The following ENPP3 variants were observed in gnomAD, a reference collection of about 807,000 sequenced individuals.
ENPP3 encodes the protein ectonucleotide pyrophosphatase/phosphodiesterase family member 3.
A neutral mutation model predicts 117.8 loss-of-function variants in ENPP3; 104 were observed. That is an observed-to-expected ratio of 0.88 (90% CI 0.75 to 1.04). The LOEUF (loss-of-function observed/expected upper bound fraction) is 1.04. ENPP3 is among the 50% of genes least tolerant of loss of function. ENPP3 has a pLI of 0.00. For missense variants in ENPP3, 1,026 were observed against 1,051.9 expected, an observed-to-expected ratio of 0.98 and a Z score of 0.34; for synonymous variants, 380 against 349.9, an observed-to-expected ratio of 1.09 and a Z score of -0.96.
chr6:131,711,912 C>T (rs1779799082), intron 15 of ENPP3, among the ~76,000 whole-genome samples: 2 of 127,738 alleles, frequency 1.6e-5, no homozygotes, highest in South Asian at 4.8e-4. Flanking sequence ...TAGCAACCTT[C>T]TGTCATATTA....
At chr6:131,641,799 GTTTTTTTT>G (rs540011427) in intron 2 of ENPP3, among the ~76,000 whole-genome samples, 1,700 of 64,084 alleles carry the variant, frequency 0.027, 26 homozygotes, top group African/African-American at 0.12. Flanking sequence ...CTCCACCCTG[GTTTTTTTT>G]TTTTTTTTTT....
Position 131,683,083 on chromosome 6 carries a change from T to G in ENPP3, c.1041T>G (p.His347Gln), listed in dbSNP as rs764386737. ...RVIKALQVVD[H>Q]AFGMLMEGLK... The stretch of plus-strand genomic sequence containing the variant: ...TTAAAGCCTTACAGGTAGTAGATCA[T>G]GCTTTTGGGATGTTGATGGAAGGCC... Residue 347 changes from histidine to glutamine, a missense_variant, in exon 12 of 25, where the codon CAT (histidine) becomes CAG (glutamine). Coordinates refer to ENST00000357639, the MANE Select transcript of ENPP3 (RefSeq NM_005021.5). 16 of 1,611,278 alleles carry G rather than the reference T, an allele frequency of 9.9e-6. No individual in the cohort carries two copies. The Admixed American group carries it at 2.7e-4, about 27-fold the overall frequency.
intron 20 of ENPP3, among the ~76,000 whole-genome samples, chr6:131,732,136 G>A (rs963119243): frequency 1.1e-4 from 17 of 152,130 alleles, no homozygotes; most frequent in Non-Finnish European, 2.2e-4. Context: ...ATAAAGGAAG[G>A]TCATCCTAAT....
chr6:131,683,184 T>G (rs948841932), intron 12 of ENPP3, 22 bp downstream of exon 12: 3 of 1,239,528 alleles, frequency 2.4e-6, no homozygotes, highest in Admixed American at 1.8e-5. Context: ...AAAAACATTC[T>G]TATTTTATCA....
chr6:131,701,899 G>GA (rs1779544014), intron 15 of ENPP3, among the ~76,000 whole-genome samples: 2 of 126,438 alleles, frequency 1.6e-5, no homozygotes, highest in African/African-American at 5.8e-5. Context: ...AAAAAAAAAA[G>GA]AAAAGAAAAA....
At position 131,739,908 on chromosome 6, in the gene ENPP3, T is replaced by TAA. The variant is rs71270396; in HGVS notation, c.2301-306_2301-305dup. Among the ~76,000 whole-genome samples the TAA allele has an allele frequency of 1.1e-3, 161 of 146,854 alleles. 2 individuals carry two copies. The highest frequency in any genetic ancestry group is 3.1e-3 in the African/African-American group (125 of 40,100). ...CAACAAAGTGAGAACCCATCTCTATTAAAAAAAAAAATCCAAAGTACCATT... is the reference window on the plus strand; with the variant it reads ...CAACAAAGTGAGAACCCATCTCTATTAAAAAAAAAAAAATCCAAAGTACCATT... On this transcript the variant is annotated intron_variant, in intron 23 of 24. Transcript: ENST00000357639.
chr6:131,674,780 C>T (rs1778829782), intron 8 of ENPP3, among the ~76,000 whole-genome samples: 1 of 151,812 alleles, frequency 6.6e-6, no homozygotes, highest in South Asian at 2.1e-4. Flanking sequence ...CCATGTTGGC[C>T]GGGATGATCT....
At chr6:131,666,274 T>C (rs1215612675) in intron 6 of ENPP3, among the ~76,000 whole-genome samples, 1 of 152,194 alleles carries the variant, frequency 6.6e-6, no homozygotes, top group Admixed American at 6.5e-5. Flanking sequence ...TTTATTTTGC[T>C]GCTTTGAAAA....
intron 15 of ENPP3, among the ~76,000 whole-genome samples, chr6:131,717,481 A>C (rs542784925): frequency 3.7e-4 from 56 of 151,132 alleles, no homozygotes; most frequent in Non-Finnish European, 6.6e-4. Context: ...TGGAAATAGG[A>C]GTCCTTTGTT....
chr6:131,732,511 C>T (rs1780302878), intron 20 of ENPP3, among the ~76,000 whole-genome samples: 1 of 152,014 alleles, frequency 6.6e-6, no homozygotes, highest in Admixed American at 6.6e-5. Context: ...CTCCCAGGTT[C>T]AAGCAATTCT....
At chr6:131,697,537 C>T (rs567519119) in intron 15 of ENPP3, among the ~76,000 whole-genome samples, 13 of 151,768 alleles carry the variant, frequency 8.6e-5, no homozygotes, top group African/African-American at 2.7e-4. Flanking sequence ...TTATACAACT[C>T]GTTATACTGT....
chr6:131,670,363 A>G (rs575612326), intron 6 of ENPP3, among the ~76,000 whole-genome samples: 3 of 152,384 alleles, frequency 2.0e-5, no homozygotes, highest in South Asian at 2.1e-4. Context: ...AGTGTATAAT[A>G]TAGAGTACAT....
In ENPP3 at chr6:131,668,466, C is replaced by T. The variant is rs558290324; in HGVS notation, c.563-2782C>T. The stretch of plus-strand genomic sequence containing the variant: ...CTGACCTCAGGAGATCCGTCCGCCT[C>T]AGCCTCCCAAAATCCTGGGATTACA... On this transcript the variant is annotated intron_variant, in intron 6 of 24. Transcript: ENST00000357639. 5.9e-5 allele frequency among the ~76,000 whole-genome samples: 9 copies of T among 152,172 alleles called. No homozygotes were observed. In the South Asian group the frequency reaches 1.7e-3, roughly 28 times the overall value.
chr6:131,677,588 G>A (rs1778897102), intron 10 of ENPP3, among the ~76,000 whole-genome samples: 1 of 152,140 alleles, frequency 6.6e-6, no homozygotes, highest in Admixed American at 6.6e-5. Flanking sequence ...AAACAGAAAG[G>A]ACTGGGACAC....
rs759691335 is a variant in ENPP3, at chr6:131,674,291, A to G, written c.762+10A>G. 2.5e-6 allele frequency: 4 copies of G among 1,613,434 alleles called. No homozygotes were observed. ...GTGGCATGGGCAACCAGTATGTAGC[A>G]TTCTACACGTCGCAACTGAAGTAAC... is the stretch of plus-strand genomic sequence containing the variant. On this transcript the variant is annotated intron_variant, in intron 8 of 24. Transcript: ENST00000357639.
intron 21 of ENPP3, among the ~76,000 whole-genome samples, chr6:131,736,158 T>C (rs1304391775): frequency 6.6e-6 from 1 of 152,246 alleles, no homozygotes. Context: ...CCACTTGGGC[T>C]GTCTGCTTCC....
chr6:131,730,303 C>T (rs1487825212), intron 20 of ENPP3, among the ~76,000 whole-genome samples: 2 of 152,150 alleles, frequency 1.3e-5, no homozygotes, highest in Non-Finnish European at 2.9e-5. Flanking sequence ...AGTGGAGAAA[C>T]CTGGTCACTC....
At chr6:131,683,953 G>T (rs777777675) in intron 12 of ENPP3, among the ~76,000 whole-genome samples, 1 of 151,960 alleles carries the variant, frequency 6.6e-6, no homozygotes, top group Admixed American at 6.6e-5. Context: ...GGGTTTCACC[G>T]TGTTAGCCCG....
At chr6:131,673,206 A>G (rs931119358) in intron 7 of ENPP3, among the ~76,000 whole-genome samples, 3 of 152,178 alleles carry the variant, frequency 2.0e-5, no homozygotes, top group African/African-American at 7.2e-5. Flanking sequence ...AAATATATAT[A>G]TATACACACT....
Sources: gnomAD v4.1 joint callset for allele counts (sites outside exome capture counted in the v4.1 genomes callset) on GRCh38, gnomAD v4.1.1 for gene constraint, MANE v1.5 for transcripts, NCBI Gene and HGNC (gene_info 2026-07-23, HGNC 2026-07-21) for gene names.